Variants in RAD9A observed in about 807,000 individuals in gnomAD.
The protein encoded by RAD9A is RAD9 checkpoint clamp component A.
In RAD9A, 25 loss-of-function variants were observed where a neutral mutation model predicts 41.2. The ratio of observed to expected loss-of-function variants is 0.61; its 90% CI spans 0.44 to 0.85. RAD9A has a LOEUF of 0.85. RAD9A is among the 40% of genes least tolerant of loss of function. RAD9A has a pLI of 0.00. For missense variants in RAD9A, 514 were observed against 518.3 expected (o/e 0.99, Z 0.08); for synonymous variants, 252 against 210.6 (o/e 1.20, Z -1.70).
At chr11:67,393,659 C>T (rs759476724) in intron 4 of RAD9A, 32 bp from the exon 5 acceptor site, 8 of 1,612,582 alleles carry the variant, frequency 5.0e-6, no homozygotes, top group East Asian at 2.2e-5. Context: ...GGGAGGTCGG[C>T]GAGGCCCACT....
At chr11:67,392,262 G>GGGGGGGGGGGT in intron 2 of RAD9A, 31 bp downstream of exon 2, 1 of 600,786 alleles carries the variant, frequency 1.7e-6, no homozygotes, top group Non-Finnish European at 3.0e-6. Flanking sequence ...GGGCGGGTGG[G>GGGGGGGGGGGT]ACTCCAGCCG....
At chr11:67,396,461 G>T in intron 9 of RAD9A, 61 bp downstream of exon 9, 1 of 1,570,394 alleles carries the variant, frequency 6.4e-7, no homozygotes. Context: ...GCCTGAGACT[G>T]CAACTCCTAG....
In RAD9A at chr11:67,397,334, A is replaced by T. The variant is rs1440210251; in HGVS notation, c.1028A>T (p.Glu343Val). 4.8e-6 allele frequency: 7 copies of T among 1,453,806 alleles called. No individual in the cohort carries two copies. In the South Asian group the frequency reaches 8.0e-5, roughly 17 times the overall value. The allele number at this position is 1,453,806 out of a possible 1,614,324, so 90.1% of individuals were successfully genotyped here. The change falls in exon 10 of 11, where the codon GAG becomes GTG. Residue 343 changes from glutamate (E) to valine (V), a missense_variant. This residue lies in a region of RAD9A where 216 missense variants were observed against 184.2 expected (regional missense o/e 1.17). Coordinates refer to ENST00000307980, the MANE Select transcript of RAD9A (RefSeq NM_004584.3). ...PPKSPGPHSE[E>V]EDEAEPSTVP... ...AAGAGCCCCGGTCCCCACTCCGAGG[A>T]GGAAGATGAGGCTGAGCCCAGTACA...
At chr11:67,392,506 G>T in intron 2 of RAD9A, 148 bp from the exon 3 acceptor site, 1 of 1,262,088 alleles carries the variant, frequency 7.9e-7, no homozygotes. Flanking sequence ...GGCCGACTCT[G>T]AAGGCTTCCA....
rs1315393197 is a variant in RAD9A, at chr11:67,393,556, A to G, written c.295A>G (p.Ile99Val). 6 of 1,614,056 alleles carry G rather than the reference A, an allele frequency of 3.7e-6. No homozygotes were observed. The highest frequency in any genetic ancestry group is 5.1e-6 in the Non-Finnish European group (6 of 1,180,046). ...MLEKTVEKCC[I>V]SLNGRSSRLV... ...GGAGAAGACGGTGGAAAAATGCTGCATCTCCCTGAATGGCCGGAGCAGCCG... is the reference window on the plus strand; with the variant it reads ...GGAGAAGACGGTGGAAAAATGCTGCGTCTCCCTGAATGGCCGGAGCAGCCG... Residue 99 changes from isoleucine to valine, a missense_variant, in exon 4 of 11, where the codon ATC becomes GTC. Physicochemically the swap from Ile to Val is conservative, Grantham distance 29. Transcript: ENST00000307980.
intron 5 of RAD9A, among the ~76,000 whole-genome samples, chr11:67,394,931 G>A (rs986127286): frequency 5.3e-5 from 8 of 151,920 alleles, no homozygotes; most frequent in Non-Finnish European, 8.8e-5. Context: ...TTTTAAAAAT[G>A]AGCAATTGTT....
intron 5 of RAD9A, among the ~76,000 whole-genome samples, chr11:67,393,993 C>T (rs1011719164): frequency 6.6e-6 from 1 of 152,348 alleles, no homozygotes; most frequent in Admixed American, 6.5e-5. Flanking sequence ...GGGGCAGGCG[C>T]CTCCTTGCTC....
At chr11:67,396,720 G>T (rs1862711491) in intron 9 of RAD9A, among the ~76,000 whole-genome samples, 5 of 152,210 alleles carry the variant, frequency 3.3e-5, no homozygotes, top group Admixed American at 1.3e-4. Context: ...GGCAGGAGCT[G>T]CCTGGGCTGG....
chr11:67,392,257 G>T, intron 2 of RAD9A, 26 bp downstream of exon 2: 1 of 1,466,652 alleles, frequency 6.8e-7, no homozygotes, highest in South Asian at 1.2e-5. Flanking sequence ...GTGGGGGGCG[G>T]GTGGGACTCC....
rs951877959 is a variant in RAD9A, at chr11:67,398,261, C to T, written c.*702C>T. ...CGGCTGCCAGCCCTGAGGCCAAGCA[C>T]GGCTGGAGACCCACGACCTGGCCTG... On this transcript the variant is annotated 3_prime_UTR_variant, in exon 11 of 11. Coordinates refer to ENST00000307980, the MANE Select transcript of RAD9A (RefSeq NM_004584.3). 9 of 485,968 alleles carry T rather than the reference C, an allele frequency of 1.9e-5. No homozygotes were observed. The highest frequency in any genetic ancestry group is 5.8e-5 in the African/African-American group (3 of 51,596). 30.1% of individuals were successfully genotyped at this position (485,968 alleles called of 1,614,324 possible). A position where few individuals can be genotyped will look rare whatever the true frequency, so the allele number is the denominator to read the frequency against.
chr11:67,394,168 T>TGGCTCAGA (rs1223745329), intron 5 of RAD9A, among the ~76,000 whole-genome samples: 1 of 152,224 alleles, frequency 6.6e-6, no homozygotes, highest in Admixed American at 6.5e-5. Flanking sequence ...CCATAACCTG[T>TGGCTCAGA]GGCTCAGAGG....
At chr11:67,395,852 C>A (rs372416817) in intron 6 of RAD9A, 27 bp downstream of exon 6, 9 of 1,612,964 alleles carry the variant, frequency 5.6e-6, no homozygotes, top group Non-Finnish European at 6.8e-6. Context: ...TGGCCTGGGA[C>A]AGCAGAGTGG....
intron 3 of RAD9A, 145 bp downstream of exon 3, chr11:67,392,927 G>A (rs1862571829): frequency 2.5e-6 from 3 of 1,187,336 alleles, no homozygotes; most frequent in African/African-American, 1.5e-5. Flanking sequence ...GAGGGCCATG[G>A]TAAAAGCATC....
intron 5 of RAD9A, among the ~76,000 whole-genome samples, chr11:67,394,020 A>G (rs1050638630): frequency 5.3e-5 from 8 of 152,146 alleles, no homozygotes; most frequent in Admixed American, 4.6e-4. Flanking sequence ...CCTTACTGTT[A>G]GGAGCCTGCA....
chr11:67,396,689 G>A (rs904024660), intron 9 of RAD9A, among the ~76,000 whole-genome samples: 7 of 152,218 alleles, frequency 4.6e-5, no homozygotes, highest in Non-Finnish European at 7.4e-5. Flanking sequence ...CCCAGGCCAA[G>A]GAGGGAAAGG....
chr11:67,392,259 T>TGGGTGGGGGGGGGGGGGG, intron 2 of RAD9A, 28 bp downstream of exon 2: 1 of 484,300 alleles, frequency 2.1e-6, no homozygotes, highest in Non-Finnish European at 4.1e-6. Flanking sequence ...GGGGGGCGGG[T>TGGGTGGGGGGGGGGGGGG]GGGACTCCAG....
In RAD9A at chr11:67,393,760, C is replaced by G; in HGVS notation, c.419C>G (p.Ser140Trp). 6.2e-7 allele frequency: 1 copy of G among 1,611,810 alleles called. No individual in the cohort carries two copies. The highest frequency in any genetic ancestry group is 8.5e-7 in the Non-Finnish European group (1 of 1,179,354). Reference sequence around the variant, plus strand: ...CTGCAGGCCGTCTTCGACCCAGCCTCGTGCCCCCACATGCTCCGCGCCCCA... The same window carrying G: ...CTGCAGGCCGTCTTCGACCCAGCCTGGTGCCCCCACATGCTCCGCGCCCCA... ...ESLQAVFDPA[S>W]CPHMLRAPAR... Residue 140 changes from serine (S) to tryptophan (W), a missense_variant, in exon 5 of 11, where the codon TCG becomes TGG. Physicochemically the swap from Ser to Trp is radical, Grantham distance 177 (BLOSUM62 -3). Around this residue, in one of 3 missense-constraint regions of RAD9A, gnomAD observed 268 missense variants for 279.3 expected, o/e 0.96. Coordinates refer to ENST00000307980, the MANE Select transcript of RAD9A (RefSeq NM_004584.3).
At chr11:67,392,849 C>G (rs940159712) in intron 3 of RAD9A, 67 bp downstream of exon 3, 69 of 1,571,630 alleles carry the variant, frequency 4.4e-5, no homozygotes, top group Non-Finnish European at 5.9e-5. Context: ...TGCCTCTGCC[C>G]TGGGGTACTC....
rs1450603642 is a variant in RAD9A, at chr11:67,395,451, T to C, written c.450-265T>C. On this transcript the variant is annotated intron_variant, in intron 5 of 10. Transcript: ENST00000307980. ...AGGATAAGGATTTCAGGGCTCTTTC[T>C]GAAGGCCGGGTTTGTAGGGTGGCCT... 5 of 494,846 alleles carry C rather than the reference T, an allele frequency of 1.0e-5. No homozygotes were observed. In the East Asian group the frequency reaches 1.6e-4, roughly 16 times the overall value. The allele number at this position is 494,846 out of a possible 1,614,324, so 30.7% of individuals were successfully genotyped here. A position where few individuals can be genotyped will look rare whatever the true frequency, so the allele number is the denominator to read the frequency against.
Sources: gnomAD v4.1 joint callset for allele counts (sites outside exome capture counted in the v4.1 genomes callset) on GRCh38, gnomAD v4.1.1 for gene constraint, gnomAD v4.1.1 regional missense constraint, MANE v1.5 for transcripts, NCBI Gene and HGNC (gene_info 2026-07-23, HGNC 2026-07-21) for gene names.